Variants in NXPE2 observed in about 807,000 individuals in gnomAD.
NXPE2 encodes NXPE family member 2.
Under a neutral mutation model 34.4 loss-of-function variants are expected in NXPE2, and 34 were observed. The ratio of observed to expected loss-of-function variants is 0.99; its 90% CI spans 0.75 to 1.31. The LOEUF is 1.31. Among genes scored for constraint, NXPE2 ranks in the 40% most tolerant of loss-of-function variants. The pLI is 0.00. For missense variants in NXPE2, 649 were observed against 672.5 expected (o/e 0.97, Z 0.39); for synonymous variants, 235 against 231.3 (o/e 1.02, Z -0.15).
At chr11:114,710,330 C>CA (rs1859589888), downstream of NXPE2, among the ~76,000 whole-genome samples, 1 of 151,650 alleles carries the variant, frequency 6.6e-6, no homozygotes, top group Non-Finnish European at 1.5e-5. Context: ...TCAAAAAGAT[C>CA]AAAAATTTAA....
chr11:114,538,827 T>C, the NXPE2 span, among the ~76,000 whole-genome samples: 136 of 152,128 alleles, frequency 8.9e-4, no homozygotes, highest in African/African-American at 3.0e-3. Flanking sequence ...CACTTTTACA[T>C]TGTTGGTGGG....
intron 2 of NXPE2, among the ~76,000 whole-genome samples, chr11:114,680,780 A>G (rs1950937553): frequency 4.6e-5 from 7 of 152,130 alleles, no homozygotes; most frequent in Admixed American, 4.6e-4. Flanking sequence ...AAGCATGCTA[A>G]CATTTGAGAA....
chr11:114,695,007 T>C (rs1951221784), intron 2 of NXPE2, among the ~76,000 whole-genome samples: 1 of 152,222 alleles, frequency 6.6e-6, no homozygotes, highest in African/African-American at 2.4e-5. Context: ...TTGTAATTTT[T>C]ATTGAAATCT....
At chr11:114,584,304 G>T in the NXPE2 span, 1 of 510,976 alleles carries the variant, frequency 2.0e-6, no homozygotes, top group South Asian at 1.5e-5. Context: ...CTTCCAATAT[G>T]ACTAACCAGA....
intron 2 of NXPE2, among the ~76,000 whole-genome samples, chr11:114,696,323 C>T (rs1346533743): frequency 8.2e-6 from 1 of 121,766 alleles, no homozygotes; most frequent in South Asian, 2.8e-4. Context: ...CAGAGTGAGA[C>T]TCCATATCAA....
At chr11:114,495,660 C>T in the NXPE2 span, among the ~76,000 whole-genome samples, 1 of 152,058 alleles carries the variant, frequency 6.6e-6, no homozygotes, top group African/African-American at 2.4e-5. Flanking sequence ...TCACCCAAGG[C>T]CTGAAGTGAG....
the NXPE2 span, among the ~76,000 whole-genome samples, chr11:114,639,907 A>T: frequency 3.5e-5 from 4 of 115,680 alleles, no homozygotes; most frequent in Non-Finnish European, 4.8e-5. Flanking sequence ...TATTAAATAT[A>T]AAATATAATA....
chr11:114,719,799 G>A, the NXPE2 span, among the ~76,000 whole-genome samples: 422 of 152,202 alleles, frequency 2.8e-3, 1 homozygote, highest in African/African-American at 9.5e-3. Context: ...GGCCCTGAGC[G>A]GGTATGGTAC....
chr11:114,485,036 T>C, the NXPE2 span, among the ~76,000 whole-genome samples: 1 of 152,292 alleles, frequency 6.6e-6, no homozygotes, highest in South Asian at 2.1e-4. Flanking sequence ...AATGATATTT[T>C]TTTAAATTTC....
chr11:114,629,567 T>C, the NXPE2 span, among the ~76,000 whole-genome samples: 44 of 150,110 alleles, frequency 2.9e-4, no homozygotes, highest in Middle Eastern at 3.4e-3. Context: ...CAATATCATA[T>C]TGAATGGGCA....
At chr11:114,669,432 G>C in the NXPE2 span, among the ~76,000 whole-genome samples, 3 of 152,016 alleles carry the variant, frequency 2.0e-5, no homozygotes, top group Non-Finnish European at 4.4e-5. Flanking sequence ...TATCTTACCT[G>C]AAGGGTAAGA....
the NXPE2 span, among the ~76,000 whole-genome samples, chr11:114,654,767 G>A: frequency 6.6e-6 from 1 of 152,140 alleles, no homozygotes; most frequent in South Asian, 2.1e-4. Flanking sequence ...TGTAAATAGT[G>A]CTGCAATAAA....
chr11:114,607,339 G>C, the NXPE2 span, among the ~76,000 whole-genome samples: 1 of 151,940 alleles, frequency 6.6e-6, no homozygotes, highest in African/African-American at 2.4e-5. Context: ...TTGATACTAA[G>C]TATTGCCTCG....
the NXPE2 span, among the ~76,000 whole-genome samples, chr11:114,642,779 A>G: frequency 2.0e-5 from 3 of 152,102 alleles, 1 homozygote; most frequent in Non-Finnish European, 4.4e-5. Context: ...GTATATACCC[A>G]GTACTGGGCT....
the NXPE2 span, among the ~76,000 whole-genome samples, chr11:114,639,340 G>C: frequency 1.3e-5 from 2 of 151,984 alleles, no homozygotes; most frequent in South Asian, 4.1e-4. Flanking sequence ...ATTAGGGTGG[G>C]AGTGACCCGA....
the NXPE2 span, chr11:114,571,503 AAGG>A: frequency 2.6e-6 from 4 of 1,552,938 alleles, no homozygotes. Context: ...CCCAAAATAA[AAGG>A]AGGATATAGT....
At chr11:114,770,341 T>G in the NXPE2 span, among the ~76,000 whole-genome samples, 1 of 152,244 alleles carries the variant, frequency 6.6e-6, no homozygotes, top group Non-Finnish European at 1.5e-5. Context: ...CTTGCTGCAC[T>G]GTCTTTCCAG....
the NXPE2 span, among the ~76,000 whole-genome samples, chr11:114,642,552 A>T: frequency 1.3e-5 from 2 of 151,940 alleles, no homozygotes; most frequent in Admixed American, 6.6e-5. Context: ...GCTGAGAATG[A>T]TGGTTTCCAG....
At chr11:114,633,646 G>T in the NXPE2 span, among the ~76,000 whole-genome samples, 2 of 149,438 alleles carry the variant, frequency 1.3e-5, no homozygotes, top group Admixed American at 1.3e-4. Flanking sequence ...CCCAGAGTGT[G>T]ATGTTCCCCT....
Sources: allele counts gnomAD v4.1 joint callset (sites outside exome capture counted in the v4.1 genomes callset), GRCh38; gene constraint gnomAD v4.1.1; transcripts MANE v1.5; gene names NCBI Gene and HGNC (gene_info 2026-07-23, HGNC 2026-07-21).